Variants in FAM83B observed in about 807,000 individuals in gnomAD.
The protein encoded by FAM83B is scaffolding CK1 anchoring protein B, also known as protein FAM83B.
Under a neutral mutation model 38.8 loss-of-function variants are expected in FAM83B, and 26 were observed. The observed-to-expected ratio is 0.67, with a 90% CI of 0.49 to 0.93. The LOEUF is 0.93. FAM83B is among the 40% of genes least tolerant of loss of function. The probability of loss-of-function intolerance (pLI) is 0.00; values close to 1 mark genes in which losing one functional copy is unlikely to be tolerated. For missense variants in FAM83B, 1,237 were observed against 1,197.3 expected (o/e 1.03, Z -0.49); for synonymous variants, 419 against 423.1 (o/e 0.99, Z 0.12).
chr6:54,873,935 TTA>T (rs1771926426), intron 2 of FAM83B, among the ~76,000 whole-genome samples: 1 of 152,018 alleles, frequency 6.6e-6, no homozygotes, highest in African/African-American at 2.4e-5. Context: ...AATATAAAAG[TTA>T]TCTGCTTAAA....
At chr6:54,908,039 A>G (rs550166223) in intron 2 of FAM83B, among the ~76,000 whole-genome samples, 35 of 152,150 alleles carry the variant, frequency 2.3e-4, no homozygotes, top group African/African-American at 8.2e-4. Context: ...GGATGAAAAA[A>G]AAGTGGGCTT....
intron 2 of FAM83B, among the ~76,000 whole-genome samples, chr6:54,900,406 G>T (rs1488140828): frequency 6.6e-6 from 1 of 152,064 alleles, no homozygotes; most frequent in Non-Finnish European, 1.5e-5. Context: ...TGACAGGAGT[G>T]TACTATTCTT....
intron 2 of FAM83B, among the ~76,000 whole-genome samples, chr6:54,887,155 A>G (rs1406293380): frequency 7.4e-6 from 1 of 135,954 alleles, no homozygotes; most frequent in Non-Finnish European, 1.5e-5. Flanking sequence ...TTTGAAAAAC[A>G]TAATTAACCC....
intron 2 of FAM83B, among the ~76,000 whole-genome samples, chr6:54,895,365 T>G (rs1772504315): frequency 6.6e-6 from 1 of 152,220 alleles, no homozygotes; most frequent in African/African-American, 2.4e-5. Flanking sequence ...TTGCATAAAA[T>G]TCTATTATAC....
Position 54,941,900 on chromosome 6 carries a change from C to T in FAM83B, c.2929C>T (p.Pro977Ser), listed in dbSNP as rs1773712951. The T allele has an allele frequency of 3.1e-6, 5 of 1,613,844 alleles. No homozygotes were observed. The highest frequency in any genetic ancestry group is 1.7e-5 in the Admixed American group (1 of 59,942). ...GGGCAACAGTTATGGCAGGTCTAGT[C>T]CATTGCTTAATTACAACACTGGTGT... Reference protein sequence around the residue: ...TMGNSYGRSSPLLNYNTGVYR... With the variant: ...TMGNSYGRSSSLLNYNTGVYR... The change falls in exon 5 of 5, where the codon CCA becomes TCA. Residue 977 changes from proline (P) to serine (S), a missense_variant. By Grantham distance (74) the Pro-to-Ser change is moderately conservative. Transcript: ENST00000306858.
rs958485540 is a variant in FAM83B at position 54,942,415 on chromosome 6, A to G, written c.*408A>G. ...TGTTTATAGTGTTTTCATATCTTCA[A>G]AAATATAAGCAAATGGGACAAAGCC... On this transcript the variant is annotated 3_prime_UTR_variant, in exon 5 of 5. Coordinates refer to ENST00000306858, the MANE Select transcript of FAM83B (RefSeq NM_001010872.3). Among the ~76,000 whole-genome samples, 2 of 152,160 alleles carry G rather than the reference A, an allele frequency of 1.3e-5. No individual in the cohort carries two copies. Among genetic ancestry groups the G allele is most frequent in the Non-Finnish European group, 2.9e-5 (2 of 68,044 alleles).
At chr6:54,862,334 G>A (rs776793062) in intron 1 of FAM83B, among the ~76,000 whole-genome samples, 9 of 152,186 alleles carry the variant, frequency 5.9e-5, no homozygotes, top group Non-Finnish European at 1.2e-4. Context: ...AAAGGAGAAG[G>A]TGTAGTCCAG....
chr6:54,926,636 CAA>C (rs768902704), intron 3 of FAM83B, 101 bp downstream of exon 3: 2 of 862,344 alleles, frequency 2.3e-6, no homozygotes, highest in Non-Finnish European at 3.3e-6. Context: ...AACTGAAAAA[CAA>C]AAAAAAATAC....
intron 2 of FAM83B, among the ~76,000 whole-genome samples, chr6:54,875,325 A>C (rs1220776672): frequency 6.6e-6 from 1 of 152,064 alleles, no homozygotes; most frequent in East Asian, 1.9e-4. Flanking sequence ...TGCCCAGCTA[A>C]GTGTTATTTA....
In FAM83B at chr6:54,873,600, T is replaced by C. The variant is rs570797504; in HGVS notation, c.444+2910T>C. ...TTTTTCAGAGGGTAATTTATCTTTA[T>C]TGGTAACTCAGTGAATTGTCATGGC... On this transcript the variant is annotated intron_variant, in intron 2 of 4. Coordinates refer to ENST00000306858, the MANE Select transcript of FAM83B (RefSeq NM_001010872.3). Among the ~76,000 whole-genome samples the C allele has an allele frequency of 1.4e-3, 208 of 152,210 alleles. 1 individual carries two copies. The Middle Eastern group carries it at 0.017, about 12-fold the overall frequency.
intron 2 of FAM83B, among the ~76,000 whole-genome samples, chr6:54,883,459 C>A (rs62414960): frequency 0.021 from 3,151 of 151,290 alleles, 43 homozygotes; most frequent in Middle Eastern, 0.061. Flanking sequence ...CTCAACCTCC[C>A]GAGTAGCTGG....
intron 2 of FAM83B, among the ~76,000 whole-genome samples, chr6:54,884,056 CACTG>C (rs1242704919): frequency 2.0e-5 from 3 of 152,000 alleles, no homozygotes; most frequent in Non-Finnish European, 4.4e-5. Context: ...TTAATCCCAG[CACTG>C]TGGGAGGCCA....
At chr6:54,892,710 T>C (rs1434423303) in intron 2 of FAM83B, among the ~76,000 whole-genome samples, 2 of 149,358 alleles carry the variant, frequency 1.3e-5, no homozygotes, top group African/African-American at 4.9e-5. Flanking sequence ...ATATTGTATA[T>C]ATTGTATATA....
At chr6:54,846,910 G>GGGT (rs1554142387) in intron 1 of FAM83B, 84 bp downstream of exon 1, 2 of 151,632 alleles carry the variant, frequency 1.3e-5, no homozygotes, top group African/African-American at 4.8e-5. Flanking sequence ...TGGGGTACTG[G>GGGT]GGGGGCCCGG....
chr6:54,860,359 C>T (rs1424666579), intron 1 of FAM83B, among the ~76,000 whole-genome samples: 1 of 152,098 alleles, frequency 6.6e-6, no homozygotes, highest in Non-Finnish European at 1.5e-5. Flanking sequence ...CTCCTCACTT[C>T]CTCTATACTC....
In FAM83B at chr6:54,869,526, T is replaced by A. The variant is rs111451435; in HGVS notation, c.-60-661T>A. Reference sequence around the variant, plus strand: ...TTCATAATTAGTGAATGTACCAAACTCTCATATCTCTTCCGTGATTTTGCT... The same window carrying A: ...TTCATAATTAGTGAATGTACCAAACACTCATATCTCTTCCGTGATTTTGCT... On this transcript the variant is annotated intron_variant, in intron 1 of 4. Transcript: ENST00000306858. Among the ~76,000 whole-genome samples, 580 of 152,234 alleles carry A rather than the reference T, an allele frequency of 3.8e-3. 4 individuals are homozygous for A. The highest frequency in any genetic ancestry group is 0.012 in the African/African-American group (518 of 41,518).
Position 54,923,131 on chromosome 6 carries a change from A to T in FAM83B, c.445-3240A>T, listed in dbSNP as rs371770373. ...TTCACGGCCATTTTTTTCATCCATT[A>T]TAATGGGAAGTAAATATAAGGCGTG... On this transcript the variant is annotated intron_variant, in intron 2 of 4. Transcript: ENST00000306858. Among the ~76,000 whole-genome samples, 14 of 152,232 alleles carry T rather than the reference A, an allele frequency of 9.2e-5. 3 individuals are homozygous for T. The highest frequency in any genetic ancestry group is 3.4e-4 in the African/African-American group (14 of 41,562).
chr6:54,856,555 G>A (rs1771451184), intron 1 of FAM83B, among the ~76,000 whole-genome samples: 1 of 152,000 alleles, frequency 6.6e-6, no homozygotes, highest in Non-Finnish European at 1.5e-5. Flanking sequence ...AAATCCAGCA[G>A]CATTTTACAC....
Position 54,941,029 on chromosome 6 carries a change from T to C in FAM83B, c.2058T>C (p.Ser686=). Residue 686 remains serine, a synonymous_variant, in exon 5 of 5, where the codon AGT becomes AGC. Transcript: ENST00000306858. ...GAAATAGTAAGCATTATGTATATAG[T>C]ACACTTACCAGGAATCGAGTTAGAC... ...DPGNSKHYVY[S]TLTRNRVRQP... is the part of the protein sequence containing the mutation. The C allele has an allele frequency of 3.7e-6, 6 of 1,613,884 alleles. No individual in the cohort carries two copies. The highest frequency in any genetic ancestry group is 5.1e-6 in the Non-Finnish European group (6 of 1,179,962).
Sources: allele counts gnomAD v4.1 joint callset (sites outside exome capture counted in the v4.1 genomes callset), GRCh38; gene constraint gnomAD v4.1.1; transcripts MANE v1.5; gene names NCBI Gene and HGNC (gene_info 2026-07-23, HGNC 2026-07-21).